Variants in MAP2K5 observed in about 807,000 individuals in gnomAD.
MAP2K5 encodes the protein mitogen-activated protein kinase kinase 5, also known as dual specificity mitogen-activated protein kinase kinase 5.
In MAP2K5, 49 loss-of-function variants were observed where a neutral mutation model predicts 83.1. That is an observed-to-expected ratio of 0.59 (90% CI 0.47 to 0.75). The LOEUF is 0.75. Ranked by LOEUF, MAP2K5 falls within the 30% of genes least tolerant of loss-of-function variation. The probability of loss-of-function intolerance (pLI) is 0.00; values close to 1 mark genes in which losing one functional copy is unlikely to be tolerated. For synonymous variants in MAP2K5, 202 were observed against 191.8 expected, an observed-to-expected ratio of 1.05 and a Z score of -0.44; for missense variants, 457 against 557.5, an observed-to-expected ratio of 0.82 and a Z score of 1.82.
rs1187567577 is a variant in MAP2K5 at position 67,770,301 on chromosome 15, A to G, written c.1196+638A>G. ...ATTTTACTGCCAAGGGTTCTTTGCC[A>G]GCCTTCTGCCTTTTTCCTCCTAGCA... On this transcript the variant is annotated intron_variant, in intron 20 of 21. Coordinates refer to ENST00000178640, the MANE Select transcript of MAP2K5 (RefSeq NM_145160.3). The surrounding 1 kb of genome is among the most constrained non-coding windows in gnomAD (Gnocchi z 5.0). Among the ~76,000 whole-genome samples the G allele has an allele frequency of 6.6e-6, 1 of 152,206 alleles. No individual in the cohort carries two copies. Among genetic ancestry groups the G allele is most frequent in the African/African-American group, 2.4e-5 (1 of 41,448 alleles).
At chr15:67,622,837 G>A (rs191880715) in intron 8 of MAP2K5, among the ~76,000 whole-genome samples, 2 of 152,268 alleles carry the variant, frequency 1.3e-5, no homozygotes, top group African/African-American at 2.4e-5. Context: ...GGTGGCTTAC[G>A]CCTGTAATCC....
chr15:67,753,711 A>G (rs984631149), intron 19 of MAP2K5, among the ~76,000 whole-genome samples: 1 of 152,184 alleles, frequency 6.6e-6, no homozygotes, highest in African/African-American at 2.4e-5. Context: ...ACAATTGGTG[A>G]CAAGAATGTG....
chr15:67,570,124 C>T (rs2084922558), intron 3 of MAP2K5, among the ~76,000 whole-genome samples: 1 of 152,218 alleles, frequency 6.6e-6, no homozygotes, highest in Non-Finnish European at 1.5e-5. Context: ...CTTCTGCCAA[C>T]ACATATTACC....
rs932832720 is a variant in MAP2K5, at chr15:67,549,194, A to C, written c.136-840A>C. 1.0e-5 allele frequency: 16 copies of C among 1,535,494 alleles called. No individual in the cohort carries two copies. The African/African-American group carries it at 2.2e-4, about 21-fold the overall frequency. The stretch of plus-strand genomic sequence containing the variant: ...GTTGGACTGGACATGATGGAGGGTC[A>C]CTTTCCCCAGAGCGTAGGTGTTCTA... On this transcript the variant is annotated intron_variant, in intron 1 of 21. Transcript: ENST00000178640.
In MAP2K5 at chr15:67,806,808, T is replaced by C. The variant is rs1355119775; in HGVS notation, c.*58T>C. ...GTAACCAAGGAGAACAACCCACCCG[T>C]CGCCCTTCTCCGTATGCTGCCTGCG... is the stretch of plus-strand genomic sequence containing the variant. On this transcript the variant is annotated 3_prime_UTR_variant, in exon 22 of 22. Transcript: ENST00000178640. The C allele has an allele frequency of 1.9e-6, 3 of 1,597,704 alleles. No individual in the cohort carries two copies. The African/African-American group carries it at 4.0e-5, about 21-fold the overall frequency.
intron 3 of MAP2K5, among the ~76,000 whole-genome samples, chr15:67,568,529 A>G (rs1221829824): frequency 6.6e-6 from 1 of 152,158 alleles, no homozygotes; most frequent in Non-Finnish European, 1.5e-5. Flanking sequence ...TCACATGGCT[A>G]ATTAAAGGCA....
rs375671982 is a variant in MAP2K5 at position 67,785,395 on chromosome 15, G to T, written c.1242+12643G>T. Among the ~76,000 whole-genome samples the T allele has an allele frequency of 3.9e-5, 6 of 152,276 alleles. No homozygotes were observed. The East Asian group carries it at 9.7e-4, about 24-fold the overall frequency. Reference sequence around the variant, plus strand: ...TGTTTGCGGTTCACATTGCAGCATGGCTACTTGTATCATTGCAGGCCAGCA... The same window carrying T: ...TGTTTGCGGTTCACATTGCAGCATGTCTACTTGTATCATTGCAGGCCAGCA... On this transcript the variant is annotated intron_variant, in intron 21 of 21. Coordinates refer to ENST00000178640, the MANE Select transcript of MAP2K5 (RefSeq NM_145160.3). The surrounding 1 kb of genome is among the most constrained non-coding windows in gnomAD (Gnocchi z 4.4).
intron 8 of MAP2K5, among the ~76,000 whole-genome samples, chr15:67,603,411 T>G (rs936903113): frequency 3.3e-5 from 5 of 152,246 alleles, no homozygotes; most frequent in Non-Finnish European, 7.3e-5. Flanking sequence ...TAGCTACCGT[T>G]GCTAATGCTC....
rs2085303735 is a variant in MAP2K5, at chr15:67,586,909, A to C, written c.427A>C (p.Asn143His). The change falls in exon 6 of 22, where the codon AAT becomes CAT. Residue 143 changes from asparagine to histidine, a missense_variant. By Grantham distance (68) the Asn-to-His change is moderately conservative. This residue lies in a region of MAP2K5 where 234 missense variants were observed against 243.6 expected (regional missense o/e 0.96). Transcript: ENST00000178640. ...SPAVSDSLPS[N>H]SLKKSSAELK... ...AGCAGTCTCAGATTCACTTCCAAGCAATAGGTGCGAGCGAGCAAGTAAAGT... is the reference window on the plus strand; with the variant it reads ...AGCAGTCTCAGATTCACTTCCAAGCCATAGGTGCGAGCGAGCAAGTAAAGT... 1.9e-6 allele frequency: 3 copies of C among 1,614,056 alleles called. No individual in the cohort carries two copies. The South Asian group carries it at 3.3e-5, about 18-fold the overall frequency.
intron 12 of MAP2K5, among the ~76,000 whole-genome samples, chr15:67,660,074 AT>A (rs904306464): frequency 5.9e-5 from 9 of 151,890 alleles, no homozygotes; most frequent in African/African-American, 1.9e-4. Flanking sequence ...TTGCCTTTAC[AT>A]TTTTTTTAAT....
chr15:67,694,053 T>C (rs2088183683), intron 15 of MAP2K5, among the ~76,000 whole-genome samples: 2 of 152,186 alleles, frequency 1.3e-5, no homozygotes, highest in South Asian at 4.1e-4. Flanking sequence ...CTTGTACCTC[T>C]ATATTTTGTT....
intron 12 of MAP2K5, among the ~76,000 whole-genome samples, chr15:67,660,515 G>A (rs563234220): frequency 6.6e-6 from 1 of 152,198 alleles, no homozygotes; most frequent in East Asian, 1.9e-4. Context: ...ACTGAAGATG[G>A]CATCAACATC....
At position 67,746,249 on chromosome 15, in the gene MAP2K5, C is replaced by T. The variant is rs1176293900; in HGVS notation, c.1075-1982C>T. ...GTGTTTCATAATCCATTTCTGAATTCATTTCAAAACCTCTCACTTAGAATG... is the reference window on the plus strand; with the variant it reads ...GTGTTTCATAATCCATTTCTGAATTTATTTCAAAACCTCTCACTTAGAATG... On this transcript the variant is annotated intron_variant, in intron 17 of 21. Transcript: ENST00000178640. The surrounding 1 kb of genome is among the most constrained non-coding windows in gnomAD (Gnocchi z 4.1). Among the ~76,000 whole-genome samples, 1 of 152,136 alleles carries T rather than the reference C, an allele frequency of 6.6e-6. No homozygotes were observed. The highest frequency in any genetic ancestry group is 1.5e-5 in the Non-Finnish European group (1 of 68,014).
At chr15:67,753,466 T>C (rs1300234641) in intron 19 of MAP2K5, among the ~76,000 whole-genome samples, 1 of 152,132 alleles carries the variant, frequency 6.6e-6, no homozygotes, top group East Asian at 1.9e-4. Flanking sequence ...ATTCAGAATA[T>C]ATAAAGAGCT....
chr15:67,800,282 G>A (rs768859013), intron 21 of MAP2K5, among the ~76,000 whole-genome samples: 1 of 152,132 alleles, frequency 6.6e-6, no homozygotes, highest in African/African-American at 2.4e-5. Context: ...TAAAATTAAT[G>A]CAAGACTTCA....
chr15:67,643,290 A>T (rs2086754507), intron 9 of MAP2K5, among the ~76,000 whole-genome samples: 1 of 152,218 alleles, frequency 6.6e-6, no homozygotes, highest in Non-Finnish European at 1.5e-5. Context: ...TGCTAGATGA[A>T]TTAATTTTGT....
intron 20 of MAP2K5, among the ~76,000 whole-genome samples, chr15:67,771,573 C>T (rs189267135): frequency 2.0e-5 from 3 of 152,288 alleles, no homozygotes; most frequent in African/African-American, 7.2e-5. Context: ...CCAAGAGATA[C>T]AGCTACTTTG....
intron 1 of MAP2K5, chr15:67,548,987 G>A: frequency 1.4e-6 from 2 of 1,398,364 alleles, no homozygotes; most frequent in Non-Finnish European, 1.9e-6. Flanking sequence ...CTAAAGAATT[G>A]CCTTTAGAAG....
At chr15:67,613,403 C>T (rs1328714319) in intron 8 of MAP2K5, among the ~76,000 whole-genome samples, 1 of 152,088 alleles carries the variant, frequency 6.6e-6, no homozygotes, top group Non-Finnish European at 1.5e-5. Context: ...TTCATTCGGT[C>T]AGAGAGATTA....
Sources: gnomAD v4.1 joint callset for allele counts (sites outside exome capture counted in the v4.1 genomes callset) on GRCh38, gnomAD v4.1.1 for gene constraint, gnomAD v4.1.1 regional missense constraint, Gnocchi (gnomAD v3.1) non-coding constraint, MANE v1.5 for transcripts, NCBI Gene and HGNC (gene_info 2026-07-23, HGNC 2026-07-21) for gene names.